The following CD163L1 variants were observed in gnomAD, a reference collection of about 807,000 sequenced individuals.
The protein encoded by CD163L1 is CD163 molecule like 1, also known as scavenger receptor cysteine-rich type 1 protein M160.
In CD163L1, 124 loss-of-function variants were observed where a neutral mutation model predicts 165.4. That is an observed-to-expected ratio of 0.75 (90% CI 0.65 to 0.87). The LOEUF is 0.87. Among genes scored for constraint, CD163L1 ranks in the 40% least tolerant of loss-of-function variants. The pLI, the probability that CD163L1 is intolerant of heterozygous loss-of-function variation, is 0.00. For missense variants in CD163L1, 1,525 were observed against 1,799.9 expected (o/e 0.85, Z 2.76); for synonymous variants, 585 against 662.2 (o/e 0.88, Z 1.79).
chr12:7,328,811 A>T, the CD163L1 span: 1 of 153,924 alleles, frequency 6.5e-6, no homozygotes, highest in African/African-American at 2.4e-5. Context: ...ATAATTCAAA[A>T]ATTAGCGAGT....
rs1281155047 is a variant in CD163L1, at chr12:7,398,925, T to C, written c.1409-341A>G. ...TATGGATACATTCAGGAGATAGCAC[T>C]GGCAGGTTTCTGCAGTGGAGTCCAG... On this transcript the variant is annotated intron_variant, in intron 6 of 19. Transcript: ENST00000313599. The surrounding 1 kb of genome is among the most constrained non-coding windows in gnomAD (Gnocchi z 4.5). 6.6e-6 allele frequency among the ~76,000 whole-genome samples: 1 copy of C among 152,198 alleles called. No individual in the cohort carries two copies. Among genetic ancestry groups the C allele is most frequent in the Non-Finnish European group, 1.5e-5 (1 of 68,026 alleles).
intron 4 of CD163L1, among the ~76,000 whole-genome samples, chr12:7,409,153 T>G (rs1458654222): frequency 1.3e-5 from 2 of 152,166 alleles, no homozygotes; most frequent in East Asian, 1.9e-4. Context: ...ATAAGGAATA[T>G]TAATTCAAAA....
chr12:7,380,362 C>CGCGTATACATACATGTATGTGTGTATAT (rs1565784266), intron 8 of CD163L1, among the ~76,000 whole-genome samples: 25 of 146,098 alleles, frequency 1.7e-4, no homozygotes, highest in Admixed American at 8.7e-4. Flanking sequence ...TGTGTGTATA[C>CGCGTATACATACATGTATGTGTGTATAT]GCGTATACAT....
the CD163L1 span, among the ~76,000 whole-genome samples, chr12:7,321,816 A>T: frequency 6.6e-6 from 1 of 152,204 alleles, no homozygotes; most frequent in Admixed American, 6.5e-5. Flanking sequence ...CTTGCTAAGC[A>T]TCAACTCCAT....
At chr12:7,352,642 G>C (rs1264535221), downstream of CD163L1, among the ~76,000 whole-genome samples, 4 of 152,042 alleles carry the variant, frequency 2.6e-5, no homozygotes. Flanking sequence ...ACCAATTATT[G>C]GCTGATCACT....
chr12:7,421,440 CATATACATATATGTACATATATACATAT>C (rs1591954183), intron 4 of CD163L1, among the ~76,000 whole-genome samples: 2 of 88,162 alleles, frequency 2.3e-5, no homozygotes, highest in East Asian at 5.3e-4. Context: ...TACATATATA[CATATACATATATGTACATATATACATAT>C]ATATACATAT....
chr12:7,433,651 G>C lies in CD163L1; in HGVS notation c.168C>G (p.Pro56=). Residue 56 remains proline, a synonymous_variant, in exon 3 of 20, where the codon CCC becomes CCG. Coordinates refer to ENST00000313599, the MANE Select transcript of CD163L1 (RefSeq NM_174941.6). ...ATTTCACCTCCACTGTCCCAGAGCAGGGACCGTCTCCATTGACCAGCCTCA... is the reference window on the plus strand; with the variant it reads ...ATTTCACCTCCACTGTCCCAGAGCACGGACCGTCTCCATTGACCAGCCTCA... The part of the protein sequence containing the change: ...LELRLVNGDG[P]CSGTVEVKFQ... The C allele has an allele frequency of 6.2e-7, 1 of 1,614,006 alleles. No homozygotes were observed. The highest frequency in any genetic ancestry group is 1.7e-5 in the Admixed American group (1 of 60,010).
chr12:7,397,521 G>A (rs1341147829), intron 7 of CD163L1, among the ~76,000 whole-genome samples: 1 of 152,072 alleles, frequency 6.6e-6, no homozygotes, highest in East Asian at 1.9e-4. Flanking sequence ...ACCTGATGAG[G>A]TTGGGAACAT....
intron 2 of CD163L1, among the ~76,000 whole-genome samples, chr12:7,434,523 A>G (rs1193769877): frequency 1.3e-5 from 2 of 152,220 alleles, no homozygotes; most frequent in Non-Finnish European, 2.9e-5. Flanking sequence ...GTGAAGGGAG[A>G]AAATTTTAAA....
At chr12:7,359,026 A>C (rs1946837086) in intron 18 of CD163L1, among the ~76,000 whole-genome samples, 1 of 152,146 alleles carries the variant, frequency 6.6e-6, no homozygotes, top group African/African-American at 2.4e-5. Flanking sequence ...AAGAAACATT[A>C]ATGGAAACTT....
At chr12:7,388,765 G>A (rs780399508) in intron 8 of CD163L1, among the ~76,000 whole-genome samples, 6 of 141,252 alleles carry the variant, frequency 4.2e-5, no homozygotes, top group African/African-American at 1.0e-4. Flanking sequence ...AAAACAAAGT[G>A]GGGGGGGCAA....
At chr12:7,348,072 A>G (rs1946682020) in intron 4 of CD163L1, among the ~76,000 whole-genome samples, 1 of 152,224 alleles carries the variant, frequency 6.6e-6, no homozygotes, top group South Asian at 2.1e-4. Context: ...TTCACTCATG[A>G]CTATTAGAAA....
At chr12:7,407,917 A>T (rs1294185829) in intron 4 of CD163L1, among the ~76,000 whole-genome samples, 1 of 152,004 alleles carries the variant, frequency 6.6e-6, no homozygotes, top group Non-Finnish European at 1.5e-5. Flanking sequence ...CAAGTCCCTT[A>T]GTTGGCCTTC....
At chr12:7,417,381 C>T (rs1161521466) in intron 4 of CD163L1, among the ~76,000 whole-genome samples, 1 of 152,018 alleles carries the variant, frequency 6.6e-6, no homozygotes, top group African/African-American at 2.4e-5. Flanking sequence ...GACTTCCTCT[C>T]CTTCTATTTG....
chr12:7,319,138 G>A, the CD163L1 span, among the ~76,000 whole-genome samples: 1 of 152,190 alleles, frequency 6.6e-6, no homozygotes, highest in Admixed American at 6.5e-5. Context: ...CCATCTGGGG[G>A]TGATGGGAGA....
chr12:7,403,707 A>T lies in CD163L1; in HGVS notation c.1236T>A (p.Cys412Ter). 1 of 1,614,092 alleles carries T rather than the reference A, an allele frequency of 6.2e-7. No homozygotes were observed. The highest frequency in any genetic ancestry group is 1.1e-5 in the South Asian group (1 of 91,080). ...QALVVCKQLG[C>*]PFSVFGSRRA... ...GACGACTGCCAAAGACGCTGAACGG[A>T]CATCCTAGCTGCTTACAAACCACAA... Residue 412 changes from cysteine (C) to a stop codon, truncating the protein, a stop_gained, in exon 6 of 20, where the codon TGT becomes TGA. Transcript: ENST00000313599. LOFTEE classifies it high-confidence loss of function.
chr12:7,328,128 TA>T, the CD163L1 span, among the ~76,000 whole-genome samples: 1 of 152,152 alleles, frequency 6.6e-6, no homozygotes, highest in South Asian at 2.1e-4. Flanking sequence ...CCTTCCTACA[TA>T]AACAGACGTT....
At chr12:7,392,970 C>T (rs1012742384) in intron 8 of CD163L1, among the ~76,000 whole-genome samples, 2 of 152,092 alleles carry the variant, frequency 1.3e-5, no homozygotes, top group African/African-American at 4.8e-5. Flanking sequence ...CAGATGGATT[C>T]AGAGCCGAAT....
chr12:7,439,437 T>C (rs1166761845), intron 2 of CD163L1: 2 of 1,584,196 alleles, frequency 1.3e-6, no homozygotes, highest in Non-Finnish European at 1.7e-6. Flanking sequence ...TCTCCAGGTC[T>C]GGTTTGGACT....
Sources: gnomAD v4.1 joint callset for allele counts (sites outside exome capture counted in the v4.1 genomes callset) on GRCh38, gnomAD v4.1.1 for gene constraint, Gnocchi (gnomAD v3.1) non-coding constraint, MANE v1.5 for transcripts, NCBI Gene and HGNC (gene_info 2026-07-23, HGNC 2026-07-21) for gene names.